Variants in NEGR1 observed in about 807,000 individuals in gnomAD.
The protein encoded by NEGR1 is neuronal growth regulator 1.
A neutral mutation model predicts 40.9 loss-of-function variants in NEGR1; 10 were observed. That is an observed-to-expected ratio of 0.24 (90% CI 0.15 to 0.42). NEGR1 has a LOEUF of 0.42. NEGR1 is among the 10% of genes least tolerant of loss of function. The probability of loss-of-function intolerance (pLI) is 1.00; values close to 1 mark genes in which losing one functional copy is unlikely to be tolerated. For synonymous variants in NEGR1, 185 were observed against 166.8 expected (o/e 1.11, Z -0.84); for missense variants, 352 against 438.9 (o/e 0.80, Z 1.77).
chr1:71,869,331 G>A (rs2101831445), intron 2 of NEGR1, among the ~76,000 whole-genome samples: 1 of 152,052 alleles, frequency 6.6e-6, no homozygotes, highest in East Asian at 1.9e-4. Flanking sequence ...CAAATATAGT[G>A]AGCCTATAAA....
intron 2 of NEGR1, among the ~76,000 whole-genome samples, chr1:71,849,056 T>C (rs1036557768): frequency 2.0e-5 from 3 of 151,018 alleles, no homozygotes; most frequent in African/African-American, 7.3e-5. Flanking sequence ...GCCACGGCAC[T>C]CCAGTGTGGG....
intron 1 of NEGR1, among the ~76,000 whole-genome samples, chr1:72,181,465 T>A (rs1400072849): frequency 2.0e-5 from 3 of 152,068 alleles, no homozygotes; most frequent in Non-Finnish European, 4.4e-5. Context: ...GGGGTGGGAA[T>A]GTAGACTGGT....
chr1:71,436,736 T>C (rs1646512227), intron 6 of NEGR1, among the ~76,000 whole-genome samples: 1 of 152,168 alleles, frequency 6.6e-6, no homozygotes, highest in South Asian at 2.1e-4. Context: ...CTATTCAATG[T>C]AAAGATGATG....
chr1:71,707,154 G>A (rs1008073267), intron 3 of NEGR1, among the ~76,000 whole-genome samples: 1 of 151,972 alleles, frequency 6.6e-6, no homozygotes, highest in Admixed American at 6.5e-5. Context: ...TTGCACTTTG[G>A]GTCCCTACAC....
intron 1 of NEGR1, among the ~76,000 whole-genome samples, chr1:72,221,762 G>A (rs1419909628): frequency 2.6e-5 from 4 of 151,860 alleles, no homozygotes; most frequent in Admixed American, 2.0e-4. Context: ...TTTCCATCAC[G>A]TCTATAAATA....
intron 6 of NEGR1, among the ~76,000 whole-genome samples, chr1:71,548,514 T>C (rs1370612375): frequency 6.6e-6 from 1 of 151,762 alleles, no homozygotes; most frequent in African/African-American, 2.4e-5. Flanking sequence ...GGCTCCAATC[T>C]GGATTTGACT....
chr1:72,223,495 T>A (rs1186516232), intron 1 of NEGR1, among the ~76,000 whole-genome samples: 1 of 152,190 alleles, frequency 6.6e-6, no homozygotes, highest in East Asian at 1.9e-4. Context: ...GTGAGACAGT[T>A]CTCTTCTACA....
intron 4 of NEGR1, among the ~76,000 whole-genome samples, chr1:71,683,900 G>C (rs1011330316): frequency 1.3e-5 from 2 of 151,778 alleles, no homozygotes; most frequent in African/African-American, 4.8e-5. Flanking sequence ...AAGATGTATT[G>C]AGTTCTTTGT....
chr1:71,508,438 G>A (rs1647050518), intron 6 of NEGR1, among the ~76,000 whole-genome samples: 1 of 152,128 alleles, frequency 6.6e-6, no homozygotes, highest in South Asian at 2.1e-4. Context: ...ATTTCTGAAA[G>A]TTAATATGGC....
At chr1:71,642,886 C>T (rs139686933) in intron 4 of NEGR1, among the ~76,000 whole-genome samples, 241 of 151,896 alleles carry the variant, frequency 1.6e-3, no homozygotes, top group African/African-American at 5.7e-3. Flanking sequence ...CAGCAAGAGT[C>T]CCAGGCAGGT....
intron 4 of NEGR1, among the ~76,000 whole-genome samples, chr1:71,672,265 T>A (rs950717068): frequency 4.6e-5 from 7 of 152,198 alleles, no homozygotes; most frequent in Admixed American, 3.3e-4. Flanking sequence ...AAATTAAGAA[T>A]GCTTTGGGTG....
At position 71,732,492 on chromosome 1, in the gene NEGR1, CTGTG is replaced by C. The variant is rs141925137; in HGVS notation, c.536-34357_536-34354del. Among the ~76,000 whole-genome samples the C allele has an allele frequency of 9.3e-3, 1,372 of 147,122 alleles. 14 individuals are homozygous for C. Among genetic ancestry groups the C allele is most frequent in the Middle Eastern group, 0.072 (21 of 290 alleles). The stretch of plus-strand genomic sequence containing the variant: ...GCCACATTCGACACATTACTGAATG[CTGTG>C]TGTGTGTGTGTGTGTGTGTGTGTGC... On this transcript the variant is annotated intron_variant, in intron 3 of 6. Transcript: ENST00000357731.
chr1:71,400,405 A>G lies in NEGR1; in HGVS notation c.*7041T>C, dbSNP rs1646238983. ...ATTTTTCTTACTGTTTTTGATATAA[A>G]ATTCCTGTTATACCATGAATTAAAT... is the stretch of plus-strand genomic sequence containing the variant. On this transcript the variant is annotated 3_prime_UTR_variant, in exon 7 of 7. Transcript: ENST00000357731. 6.6e-6 allele frequency: 1 copy of G among 152,138 alleles called. No individual in the cohort carries two copies. The highest frequency in any genetic ancestry group is 1.5e-5 in the Non-Finnish European group (1 of 68,022). 9.4% of individuals were successfully genotyped at this position (152,138 alleles called of 1,614,324 possible).
chr1:71,529,060 C>G (rs1428728141), intron 6 of NEGR1, among the ~76,000 whole-genome samples: 1 of 151,028 alleles, frequency 6.6e-6, no homozygotes, highest in African/African-American at 2.4e-5. Context: ...TGAATAACAA[C>G]AGCATTCAGT....
intron 6 of NEGR1, among the ~76,000 whole-genome samples, chr1:71,568,344 A>G (rs1648688396): frequency 6.6e-6 from 1 of 152,166 alleles, no homozygotes; most frequent in Non-Finnish European, 1.5e-5. Context: ...TTTACAGACC[A>G]TGAGCCCTGT....
intron 2 of NEGR1, among the ~76,000 whole-genome samples, chr1:71,803,312 A>C: frequency 6.6e-6 from 1 of 152,138 alleles, no homozygotes; most frequent in East Asian, 1.9e-4. Flanking sequence ...TACCACCAGA[A>C]ACCATCCCTA....
intron 1 of NEGR1, among the ~76,000 whole-genome samples, chr1:72,240,557 C>A (rs905417401): frequency 6.6e-6 from 1 of 151,708 alleles, no homozygotes; most frequent in Non-Finnish European, 1.5e-5. Context: ...CAGTATGACC[C>A]TAAAGACAAA....
At chr1:72,176,502 G>A (rs1652171876) in intron 1 of NEGR1, among the ~76,000 whole-genome samples, 1 of 151,926 alleles carries the variant, frequency 6.6e-6, no homozygotes, top group Non-Finnish European at 1.5e-5. Context: ...AGGGTCCAGA[G>A]AAGGACTAAA....
At chr1:71,871,152 G>T (rs1029156747) in intron 2 of NEGR1, among the ~76,000 whole-genome samples, 1 of 152,070 alleles carries the variant, frequency 6.6e-6, no homozygotes, top group African/African-American at 2.4e-5. Flanking sequence ...TATCATCAAC[G>T]TTTCAGTGAC....
Sources: gnomAD v4.1 joint callset for allele counts (sites outside exome capture counted in the v4.1 genomes callset) on GRCh38, gnomAD v4.1.1 for gene constraint, MANE v1.5 for transcripts, NCBI Gene and HGNC (gene_info 2026-07-23, HGNC 2026-07-21) for gene names.